The following MBP variants were observed in gnomAD, a reference collection of about 807,000 sequenced individuals.
The protein encoded by MBP is Golli-MBP.
Under a neutral mutation model 35.8 loss-of-function variants are expected in MBP, and 16 were observed. The ratio of observed to expected loss-of-function variants is 0.45; its 90% CI spans 0.30 to 0.68. MBP has a LOEUF of 0.68. MBP is among the 30% of genes least tolerant of loss of function. The pLI, the probability that MBP is intolerant of heterozygous loss-of-function variation, is 0.08. For missense variants in MBP, 380 were observed against 404.7 expected, an observed-to-expected ratio of 0.94 and a Z score of 0.52; for synonymous variants, 143 against 159.6, an observed-to-expected ratio of 0.90 and a Z score of 0.78.
intron 3 of MBP, among the ~76,000 whole-genome samples, chr18:77,026,395 C>T (rs1272752555): frequency 1.3e-5 from 2 of 152,184 alleles, no homozygotes; most frequent in Non-Finnish European, 1.5e-5. Flanking sequence ...GAAAACATAA[C>T]GAATAAAACT....
At chr18:77,108,727 C>T (rs1976357867) in intron 1 of MBP, 1 of 152,268 alleles carries the variant, frequency 6.6e-6, no homozygotes, top group Non-Finnish European at 1.5e-5. Flanking sequence ...GCTTAGACTA[C>T]ATGTCACCTT....
Position 76,980,117 on chromosome 18 carries a change from G to C in MBP, c.*310C>G, listed in dbSNP as rs534429234. 5.9e-6 allele frequency: 4 copies of C among 678,578 alleles called. No individual in the cohort carries two copies. The highest frequency in any genetic ancestry group is 3.6e-5 in the African/African-American group (2 of 55,904). 42.0% of individuals were successfully genotyped at this position (678,578 alleles called of 1,614,324 possible). ...AAAGTCCAAGGGTGGAGGGGTGAAC[G>C]TGGAGGGACGTCTGTGCACCTGGCC... On this transcript the variant is annotated 3_prime_UTR_variant, in exon 9 of 9. Coordinates refer to ENST00000355994, the MANE Select transcript of MBP (RefSeq NM_001025101.2).
chr18:77,010,259 G>A (rs565227343), intron 4 of MBP: 1 of 296,250 alleles, frequency 3.4e-6, no homozygotes, highest in Non-Finnish European at 6.4e-6. Context: ...GGGACCAAGA[G>A]TTCTTAATAT....
intron 3 of MBP, among the ~76,000 whole-genome samples, chr18:77,058,723 T>G (rs1465652018): frequency 6.6e-6 from 1 of 152,222 alleles, no homozygotes; most frequent in Non-Finnish European, 1.5e-5. Context: ...GTCAAGCAGC[T>G]TATTCCGTGG....
chr18:77,074,173 G>A (rs1208759363), intron 2 of MBP, among the ~76,000 whole-genome samples: 1 of 152,186 alleles, frequency 6.6e-6, no homozygotes, highest in Non-Finnish European at 1.5e-5. Context: ...CAGTGCCCAC[G>A]TGGGGGCTTC....
At chr18:77,081,763 TATATACACACAC>T (rs777180587) in intron 2 of MBP, among the ~76,000 whole-genome samples, 21 of 116,618 alleles carry the variant, frequency 1.8e-4, no homozygotes, top group African/African-American at 6.7e-4. Flanking sequence ...TATATATATA[TATATACACACAC>T]ACACACACAC....
chr18:77,007,184 C>G (rs1425507921), intron 4 of MBP, among the ~76,000 whole-genome samples: 2 of 152,348 alleles, frequency 1.3e-5, no homozygotes, highest in Non-Finnish European at 2.9e-5. Flanking sequence ...GTGCCTCCGG[C>G]CTTGCAATTC....
chr18:77,090,697 C>T (rs1443502764), intron 2 of MBP, among the ~76,000 whole-genome samples: 1 of 152,186 alleles, frequency 6.6e-6, no homozygotes, highest in East Asian at 1.9e-4. Flanking sequence ...TCGGGCTTTC[C>T]TTATCAGCCT....
chr18:77,099,845 G>A (rs1568339440), intron 2 of MBP, among the ~76,000 whole-genome samples: 1 of 152,246 alleles, frequency 6.6e-6, no homozygotes, highest in Admixed American at 6.5e-5. Flanking sequence ...CCTTGCACAG[G>A]AAGGGCCCAA....
chr18:77,088,112 C>A (rs1384448602), intron 2 of MBP, among the ~76,000 whole-genome samples: 1 of 152,184 alleles, frequency 6.6e-6, no homozygotes, highest in Non-Finnish European at 1.5e-5. Context: ...CCACGCATGG[C>A]CACCTGGCCT....
At chr18:76,986,410 C>G in intron 7 of MBP, 1 of 985,496 alleles carries the variant, frequency 1.0e-6, no homozygotes, top group Non-Finnish European at 1.2e-6. Flanking sequence ...ACACCAGAGG[C>G]CTCAAGGCTT....
At chr18:77,006,312 C>A (rs1472583764) in intron 4 of MBP, 1 of 152,328 alleles carries the variant, frequency 6.6e-6, no homozygotes, top group Non-Finnish European at 1.5e-5. Context: ...CAGAGCAGCC[C>A]CTTCCTGCTC....
chr18:77,010,134 G>A, intron 4 of MBP: 1 of 587,056 alleles, frequency 1.7e-6, no homozygotes, highest in Non-Finnish European at 3.0e-6. Flanking sequence ...AGAGGTGATG[G>A]GAGGTCAGAG....
At chr18:77,026,681 C>T (rs999442073) in intron 3 of MBP, among the ~76,000 whole-genome samples, 6 of 152,086 alleles carry the variant, frequency 3.9e-5, no homozygotes, top group East Asian at 3.9e-4. Flanking sequence ...CCCTGAGCAA[C>T]GCAGCAAGAC....
chr18:77,092,705 G>C (rs1409963193), intron 2 of MBP, among the ~76,000 whole-genome samples: 1 of 152,120 alleles, frequency 6.6e-6, no homozygotes, highest in Non-Finnish European at 1.5e-5. Context: ...ATCAGTGAAG[G>C]AAGAAATAAG....
At chr18:76,998,657 C>T (rs150366556) in intron 4 of MBP, among the ~76,000 whole-genome samples, 126 of 152,292 alleles carry the variant, frequency 8.3e-4, no homozygotes, top group African/African-American at 2.6e-3. Flanking sequence ...GACATTGCTG[C>T]TCTTTTGAAG....
At chr18:77,041,254 T>C (rs1396191536) in intron 3 of MBP, among the ~76,000 whole-genome samples, 3 of 152,206 alleles carry the variant, frequency 2.0e-5, no homozygotes, top group Non-Finnish European at 2.9e-5. Context: ...GTTAGAATGG[T>C]GATCATTAAA....
chr18:77,088,784 T>C (rs1212131448), intron 2 of MBP, among the ~76,000 whole-genome samples: 2 of 152,198 alleles, frequency 1.3e-5, no homozygotes, highest in African/African-American at 4.8e-5. Context: ...GTTGTGTCCC[T>C]TTTCCCCCAA....
intron 7 of MBP, chr18:76,985,351 C>T (rs1969488017): frequency 1.6e-6 from 2 of 1,281,126 alleles, no homozygotes; most frequent in Admixed American, 4.8e-5. Context: ...CCGGCCTGCG[C>T]CTTTGCTGGG....
Sources: allele counts gnomAD v4.1 joint callset (sites outside exome capture counted in the v4.1 genomes callset), GRCh38; gene constraint gnomAD v4.1.1; transcripts MANE v1.5; gene names NCBI Gene and HGNC (gene_info 2026-07-23, HGNC 2026-07-21).